ZSWIM5: variants seen among roughly 807,000 people sequenced by gnomAD.
ZSWIM5 encodes the protein zinc finger SWIM-type containing 5.
In ZSWIM5, 55 loss-of-function variants were observed where a neutral mutation model predicts 119.6. The observed-to-expected ratio is 0.46, with a 90% confidence interval of 0.37 to 0.58. The LOEUF (loss-of-function observed/expected upper bound fraction) is 0.58, where lower values mean the gene tolerates loss of function less well. Ranked by LOEUF, ZSWIM5 falls within the 20% of genes least tolerant of loss-of-function variation. ZSWIM5 has a pLI of 0.00. For synonymous variants in ZSWIM5, 537 were observed against 606.9 expected, an observed-to-expected ratio of 0.88 and a Z score of 1.69; for missense variants, 1,193 against 1,512.8, an observed-to-expected ratio of 0.79 and a Z score of 3.51.
At chr1:45,166,056 C>T (rs1287138499) in intron 1 of ZSWIM5, among the ~76,000 whole-genome samples, 4 of 152,142 alleles carry the variant, frequency 2.6e-5, no homozygotes, top group African/African-American at 4.8e-5. Flanking sequence ...AACATCGATG[C>T]GAAAATCCTC....
intron 2 of ZSWIM5, among the ~76,000 whole-genome samples, chr1:45,084,923 T>G (rs1412095019): frequency 6.6e-6 from 1 of 152,180 alleles, no homozygotes; most frequent in Non-Finnish European, 1.5e-5. Context: ...CCTTCTCAGC[T>G]CCAGTAGGCA....
At chr1:45,132,264 A>G (rs1247972768) in intron 1 of ZSWIM5, among the ~76,000 whole-genome samples, 2 of 152,088 alleles carry the variant, frequency 1.3e-5, no homozygotes, top group Admixed American at 6.5e-5. Context: ...AGAAGATGCT[A>G]CTCAAAGAGA....
chr1:45,127,066 G>C (rs1645626095), intron 1 of ZSWIM5, among the ~76,000 whole-genome samples: 1 of 152,086 alleles, frequency 6.6e-6, no homozygotes, highest in South Asian at 2.1e-4. Context: ...TATCAAGTAA[G>C]AAAACTAAGG....
chr1:45,177,930 C>G (rs1449848432), intron 1 of ZSWIM5, among the ~76,000 whole-genome samples: 1 of 151,854 alleles, frequency 6.6e-6, no homozygotes, highest in Non-Finnish European at 1.5e-5. Context: ...ATTCATTCCA[C>G]AAGGGTGTTG....
chr1:45,038,212 A>G (rs940340261), intron 8 of ZSWIM5, among the ~76,000 whole-genome samples: 1 of 152,232 alleles, frequency 6.6e-6, no homozygotes, highest in Non-Finnish European at 1.5e-5. Context: ...AAATTGGTAC[A>G]AAACCATCAT....
At chr1:45,068,113 T>TG (rs1168700817) in intron 2 of ZSWIM5, among the ~76,000 whole-genome samples, 2 of 144,950 alleles carry the variant, frequency 1.4e-5, no homozygotes, top group East Asian at 4.1e-4. Flanking sequence ...TTTTCTTTTT[T>TG]TTTTTTTGAG....
At chr1:45,104,593 C>G (rs147530027) in intron 1 of ZSWIM5, among the ~76,000 whole-genome samples, 1 of 152,238 alleles carries the variant, frequency 6.6e-6, no homozygotes. Context: ...GGTGAGGGTG[C>G]GAGAGATTGC....
chr1:45,167,776 T>A (rs1645916404), intron 1 of ZSWIM5, among the ~76,000 whole-genome samples: 1 of 152,136 alleles, frequency 6.6e-6, no homozygotes, highest in Non-Finnish European at 1.5e-5. Context: ...CACAATGAGA[T>A]ACCATCTCAC....
At chr1:45,096,464 G>GTGTGTGTGCA (rs1645403133) in intron 1 of ZSWIM5, among the ~76,000 whole-genome samples, 2 of 143,492 alleles carry the variant, frequency 1.4e-5, no homozygotes, top group African/African-American at 2.8e-5. Flanking sequence ...GTGTGTGTGC[G>GTGTGTGTGCA]TGTGTGTGCA....
At position 45,018,231 on chromosome 1, in the gene ZSWIM5, C is replaced by A; in HGVS notation, c.*223G>T. 1 of 600,668 alleles carries A rather than the reference C, an allele frequency of 1.7e-6. No individual in the cohort carries two copies. Among genetic ancestry groups the A allele is most frequent in the Non-Finnish European group, 2.9e-6 (1 of 345,674 alleles). 37.2% of individuals were successfully genotyped at this position (600,668 alleles called of 1,614,324 possible). On this transcript the variant is annotated 3_prime_UTR_variant, in exon 14 of 14. Transcript: ENST00000359600. The surrounding 1 kb of genome is among the most constrained non-coding windows in gnomAD (Gnocchi z 6.7). The stretch of plus-strand genomic sequence containing the variant: ...TGTTGTGGGGTTTCTGGTCGATCTG[C>A]AGGGCCCAGCTCCTCCATGAACAGT...
intron 1 of ZSWIM5, among the ~76,000 whole-genome samples, chr1:45,182,192 G>A (rs539094349): frequency 9.9e-5 from 15 of 152,154 alleles, no homozygotes; most frequent in Non-Finnish European, 1.5e-4. Flanking sequence ...CGAGGCGGGC[G>A]GATCACGAGG....
chr1:45,115,507 G>A (rs1307494554), intron 1 of ZSWIM5, among the ~76,000 whole-genome samples: 1 of 147,650 alleles, frequency 6.8e-6, no homozygotes, highest in African/African-American at 2.5e-5. Flanking sequence ...ACGGGGTCGC[G>A]GCCGGGCAGA....
At position 45,182,261 on chromosome 1, in the gene ZSWIM5, G is replaced by A. The variant is rs886442110; in HGVS notation, c.595+23495C>T. Among the ~76,000 whole-genome samples the A allele has an allele frequency of 2.1e-3, 324 of 152,140 alleles. 1 individual carries two copies. Among genetic ancestry groups the A allele is most frequent in the South Asian group, 9.3e-3 (45 of 4,826 alleles). ...CTACTAAAAATACAAAAAATTAGCCGGGCGCAGTGGCTGGCGCCTGTAGTC... is the reference window on the plus strand; with the variant it reads ...CTACTAAAAATACAAAAAATTAGCCAGGCGCAGTGGCTGGCGCCTGTAGTC... On this transcript the variant is annotated intron_variant, in intron 1 of 13. Coordinates refer to ENST00000359600, the MANE Select transcript of ZSWIM5 (RefSeq NM_020883.2).
chr1:45,181,628 G>A (rs1419370972), intron 1 of ZSWIM5, among the ~76,000 whole-genome samples: 2 of 152,046 alleles, frequency 1.3e-5, no homozygotes, highest in Non-Finnish European at 2.9e-5. Flanking sequence ...ACACATAATT[G>A]TCAGATTCAC....
chr1:45,092,796 G>A (rs989598672), intron 1 of ZSWIM5, among the ~76,000 whole-genome samples: 3 of 152,176 alleles, frequency 2.0e-5, no homozygotes, highest in African/African-American at 4.8e-5. Context: ...TCTTACAAGC[G>A]AAAGTCTAAG....
chr1:45,031,169 A>ATTTTT (rs34390567), intron 11 of ZSWIM5, among the ~76,000 whole-genome samples: 40 of 61,742 alleles, frequency 6.5e-4, no homozygotes, highest in East Asian at 1.1e-3. Context: ...TTTTGCTCTG[A>ATTTTT]TTTTTTTTTT....
chr1:45,189,128 A>G (rs920414500), intron 1 of ZSWIM5, among the ~76,000 whole-genome samples: 20 of 152,278 alleles, frequency 1.3e-4, no homozygotes, highest in Admixed American at 8.5e-4. Flanking sequence ...CAGCCTGACC[A>G]ACATGGAAAA....
At chr1:45,087,755 G>A (rs1006978262) in intron 2 of ZSWIM5, 126 bp downstream of exon 2, 4 of 700,028 alleles carry the variant, frequency 5.7e-6, no homozygotes, top group East Asian at 2.5e-5. Flanking sequence ...TTAAGTGATT[G>A]CAACTGCAGA....
chr1:45,060,363 G>A (rs1158059728), intron 2 of ZSWIM5, 116 bp from the exon 3 acceptor site: 2 of 1,072,298 alleles, frequency 1.9e-6, no homozygotes, highest in African/African-American at 1.6e-5. Flanking sequence ...CTTTAATATG[G>A]GTTTTGTCAA....
Sources: gnomAD v4.1 joint callset for allele counts (sites outside exome capture counted in the v4.1 genomes callset) on GRCh38, gnomAD v4.1.1 for gene constraint, Gnocchi (gnomAD v3.1) non-coding constraint, MANE v1.5 for transcripts, NCBI Gene and HGNC (gene_info 2026-07-23, HGNC 2026-07-21) for gene names.